Variants in SUPT16H observed in about 807,000 individuals in gnomAD.
SUPT16H encodes SPT16 homolog, facilitates chromatin remodeling subunit.
Under a neutral mutation model 136.2 loss-of-function variants are expected in SUPT16H, and 24 were observed. The observed-to-expected ratio is 0.18, with a 90% CI of 0.13 to 0.25. The LOEUF is 0.25. Among genes scored for constraint, SUPT16H ranks in the 10% least tolerant of loss-of-function variants. The pLI, the probability that SUPT16H is intolerant of heterozygous loss-of-function variation, is 1.00. For missense variants in SUPT16H, 623 were observed against 1,270.2 expected (o/e 0.49, Z 7.74); for synonymous variants, 415 against 428.2 (o/e 0.97, Z 0.38).
chr14:21,356,832 A>G (rs1220014982), intron 22 of SUPT16H, among the ~76,000 whole-genome samples: 1 of 152,198 alleles, frequency 6.6e-6, no homozygotes, highest in East Asian at 1.9e-4. Context: ...GCTATTGTAA[A>G]TATGCTCTAC....
At chr14:21,372,399 T>C (rs949384652) in intron 2 of SUPT16H, 2 of 312,356 alleles carry the variant, frequency 6.4e-6, no homozygotes, top group African/African-American at 4.3e-5. Context: ...GAACCCTGCG[T>C]TATTACCTCC....
intron 6 of SUPT16H, among the ~76,000 whole-genome samples, 172 bp downstream of exon 6, chr14:21,369,032 C>T (rs919930314): frequency 6.6e-6 from 1 of 152,078 alleles, no homozygotes; most frequent in Non-Finnish European, 1.5e-5. Context: ...CTATACTTAA[C>T]AAAAATGTAT....
chr14:21,366,473 G>C lies in SUPT16H; in HGVS notation c.1012C>G (p.Pro338Ala). ...TTGGTAATTTTGTTCAGCAGTTCTG[G>C]CTTCTGCTTTTTAACCACGTCCATG... ...AVMDVVKKQKPELLNKITKNL... is the reference protein window; with the variant it reads ...AVMDVVKKQKAELLNKITKNL... Residue 338 changes from proline to alanine, a missense_variant, in exon 8 of 26, where the codon CCA becomes GCA. Around this residue, in one of 7 missense-constraint regions of SUPT16H, gnomAD observed 343 missense variants for 525.7 expected, o/e 0.65. Coordinates refer to ENST00000216297, the MANE Select transcript of SUPT16H (RefSeq NM_007192.4). 6.2e-7 allele frequency: 1 copy of C among 1,614,006 alleles called. No homozygotes were observed. Among genetic ancestry groups the C allele is most frequent in the Non-Finnish European group, 8.5e-7 (1 of 1,179,972 alleles).
chr14:21,361,311 C>T (rs1389248967), intron 15 of SUPT16H, 98 bp from the exon 16 acceptor site: 519 of 462,038 alleles, frequency 1.1e-3, no homozygotes, highest in South Asian at 2.4e-3. Flanking sequence ...CTCTACTTTG[C>T]TTTTTTTTTT....
chr14:21,369,964 A>G, intron 4 of SUPT16H, 68 bp from the exon 5 acceptor site: 2 of 1,544,398 alleles, frequency 1.3e-6, no homozygotes, highest in Non-Finnish European at 1.8e-6. Flanking sequence ...CATCTCTCCA[A>G]TTTGAATATT....
chr14:21,360,394 T>C (rs1315227833), intron 18 of SUPT16H, 21 bp downstream of exon 18: 1 of 1,537,678 alleles, frequency 6.5e-7, no homozygotes, highest in Admixed American at 1.7e-5. Context: ...AGCTGACAGC[T>C]AGTTAAGTAG....
At position 21,352,567 on chromosome 14, in the gene SUPT16H, G is replaced by C; in HGVS notation, c.*106C>G. 6.4e-7 allele frequency: 1 copy of C among 1,563,566 alleles called. No individual in the cohort carries two copies. The highest frequency in any genetic ancestry group is 1.2e-5 in the South Asian group (1 of 86,134). On this transcript the variant is annotated 3_prime_UTR_variant, in exon 26 of 26. Coordinates refer to ENST00000216297, the MANE Select transcript of SUPT16H (RefSeq NM_007192.4). ...CCCCCTAAACCCATAAACACAAATG[G>C]CAAAACTTCAAATGAAAACGAAAGG...
intron 20 of SUPT16H, 105 bp from the exon 21 acceptor site, chr14:21,358,107 C>T (rs1886474254): frequency 4.8e-6 from 5 of 1,050,710 alleles, no homozygotes; most frequent in Non-Finnish European, 7.2e-6. Flanking sequence ...CTCCAGCATA[C>T]TCACTGGAGA....
At chr14:21,378,035 C>T (rs537543932) in intron 1 of SUPT16H, among the ~76,000 whole-genome samples, 1 of 152,050 alleles carries the variant, frequency 6.6e-6, no homozygotes, top group African/African-American at 2.4e-5. Context: ...TTCAACAGGC[C>T]TAAAGAGTAA....
chr14:21,369,379 G>C (rs1886739024), intron 5 of SUPT16H, 24 bp from the exon 6 acceptor site: 3 of 1,613,866 alleles, frequency 1.9e-6, no homozygotes, highest in Admixed American at 3.3e-5. Flanking sequence ...CAGAAATAAA[G>C]TAACACTTAC....
intron 17 of SUPT16H, 109 bp from the exon 18 acceptor site, chr14:21,360,642 T>G: frequency 8.4e-7 from 1 of 1,189,444 alleles, no homozygotes; most frequent in Non-Finnish European, 1.2e-6. Context: ...CCAACAGCTG[T>G]ATAGAGCTTT....
rs930930039 is a variant in SUPT16H at position 21,381,760 on chromosome 14, C to G, written c.66+2102G>C. 3.3e-5 allele frequency among the ~76,000 whole-genome samples: 5 copies of G among 150,600 alleles called. No individual in the cohort carries two copies. The Admixed American group carries it at 3.3e-4, about 10-fold the overall frequency. On this transcript the variant is annotated intron_variant, in intron 1 of 25. Coordinates refer to ENST00000216297, the MANE Select transcript of SUPT16H (RefSeq NM_007192.4). ...AAGTAGCTAGGACTATAGGCACACA[C>G]CACCATGCCTGGTTAATTTATTTGC...
At chr14:21,383,044 TA>T (rs1281266735) in intron 1 of SUPT16H, 5 of 152,314 alleles carry the variant, frequency 3.3e-5, no homozygotes, top group African/African-American at 1.2e-4. Context: ...GGGCAAGACT[TA>T]AGCTAGCCAA....
In SUPT16H at chr14:21,369,311, A is replaced by G. The variant is rs1886737870; in HGVS notation, c.675T>C (p.Ile225=). ...CCCCAGCAAGGTATTTTTTCTCTTC[A>G]ATGGCCTTTTCCACAGACTCAGCCA... ...SKLAESVEKA[I]EEKKYLAGAD... Residue 225 remains isoleucine (I), a synonymous_variant, in exon 6 of 26, where the codon ATT becomes ATC. Coordinates refer to ENST00000216297, the MANE Select transcript of SUPT16H (RefSeq NM_007192.4). The G allele has an allele frequency of 6.2e-7, 1 of 1,614,182 alleles. No homozygotes were observed. The highest frequency in any genetic ancestry group is 1.3e-5 in the African/African-American group (1 of 75,060).
intron 1 of SUPT16H, among the ~76,000 whole-genome samples, chr14:21,376,934 A>G: frequency 6.6e-6 from 1 of 152,146 alleles, no homozygotes; most frequent in East Asian, 1.9e-4. Context: ...TTAGCCAGGC[A>G]TGGTAGTAGG....
At position 21,362,137 on chromosome 14, in the gene SUPT16H, T is replaced by A. The variant is rs779504958; in HGVS notation, c.1793+60A>T. The A allele has an allele frequency of 1.5e-4, 229 of 1,555,726 alleles. 1 individual carries two copies. The highest frequency in any genetic ancestry group is 1.9e-4 in the Non-Finnish European group (216 of 1,152,508). On this transcript the variant is annotated intron_variant, in intron 15 of 25. Transcript: ENST00000216297. The stretch of plus-strand genomic sequence containing the variant: ...AAAATGTAGCACAGACAATGAAATG[T>A]TTCTGAGAGTACCACTCCAGACAAG...
chr14:21,354,820 G>A (rs1168536964), intron 22 of SUPT16H: 3 of 236,364 alleles, frequency 1.3e-5, no homozygotes, highest in Non-Finnish European at 2.5e-5. Context: ...TAGAACTCCT[G>A]ACTTCAGGTG....
Position 21,365,150 on chromosome 14 carries a change from A to T in SUPT16H, c.1047-7T>A. 6.2e-7 allele frequency: 1 copy of T among 1,612,980 alleles called. No homozygotes were observed. Among genetic ancestry groups the T allele is most frequent in the Non-Finnish European group, 8.5e-7 (1 of 1,179,296 alleles). On this transcript the variant is annotated splice_polypyrimidine_tract_variant and splice_region_variant and intron_variant, in intron 8 of 25. Coordinates refer to ENST00000216297, the MANE Select transcript of SUPT16H (RefSeq NM_007192.4). ...TTCAATTCCCATCCCAAACCTGAAA[A>T]GAAACAGATAAACATCAGCAAAAGG...
In SUPT16H at chr14:21,364,831, T is replaced by C. The variant is rs1419974764; in HGVS notation, c.1229A>G (p.Asp410Gly). 2 of 1,612,056 alleles carry C rather than the reference T, an allele frequency of 1.2e-6. No individual in the cohort carries two copies. Among genetic ancestry groups the C allele is most frequent in the Non-Finnish European group, 1.7e-6 (2 of 1,179,744 alleles). ...AAGTTTAGACACAATACACACCTCATCCACAAGCACTGTGTCACCAATGAA... is the reference window on the plus strand; with the variant it reads ...AAGTTTAGACACAATACACACCTCACCCACAAGCACTGTGTCACCAATGAA... ...ALFIGDTVLV[D>G]EDGPATVLTS... Residue 410 changes from aspartate to glycine, a missense_variant, in exon 10 of 26, where the codon GAT becomes GGT. Around this residue, in one of 7 missense-constraint regions of SUPT16H, gnomAD observed 343 missense variants for 525.7 expected, o/e 0.65. Coordinates refer to ENST00000216297, the MANE Select transcript of SUPT16H (RefSeq NM_007192.4).
Sources: gnomAD v4.1 joint callset for allele counts (sites outside exome capture counted in the v4.1 genomes callset) on GRCh38, gnomAD v4.1.1 for gene constraint, gnomAD v4.1.1 regional missense constraint, MANE v1.5 for transcripts, NCBI Gene and HGNC (gene_info 2026-07-23, HGNC 2026-07-21) for gene names.